The following LARP1B variants were observed in gnomAD, a reference collection of about 807,000 sequenced individuals.
LARP1B encodes la-related protein 1B.
In LARP1B, 76 loss-of-function variants were observed where a neutral mutation model predicts 114.2. That is an observed-to-expected ratio of 0.67 (90% CI 0.55 to 0.81). The LOEUF (loss-of-function observed/expected upper bound fraction) is 0.81, where lower values mean the gene tolerates loss of function less well. LARP1B is among the 30% of genes least tolerant of loss of function. LARP1B has a pLI of 0.00. For synonymous variants in LARP1B, 345 were observed against 348.0 expected, an observed-to-expected ratio of 0.99 and a Z score of 0.10; for missense variants, 1,014 against 1,075.8, an observed-to-expected ratio of 0.94 and a Z score of 0.80.
intron 3 of LARP1B, among the ~76,000 whole-genome samples, chr4:128,077,335 T>C (rs1423501343): frequency 3.3e-5 from 5 of 150,516 alleles, no homozygotes; most frequent in Non-Finnish European, 7.4e-5. Context: ...CCCTCTCTAC[T>C]TAAAAAAAAA....
chr4:128,193,280 A>T (rs1752876312), intron 15 of LARP1B, among the ~76,000 whole-genome samples: 1 of 152,210 alleles, frequency 6.6e-6, no homozygotes, highest in African/African-American at 2.4e-5. Context: ...AATCCTTCAT[A>T]TATATCTATT....
intron 12 of LARP1B, among the ~76,000 whole-genome samples, chr4:128,176,408 C>G (rs967419095): frequency 2.6e-5 from 4 of 151,206 alleles, no homozygotes; most frequent in South Asian, 2.1e-4. Context: ...ATTCTCCTGC[C>G]TCAGCCTCCC....
chr4:128,157,574 T>C (rs908065704), intron 11 of LARP1B, among the ~76,000 whole-genome samples: 1 of 151,820 alleles, frequency 6.6e-6, no homozygotes, highest in Non-Finnish European at 1.5e-5. Context: ...AAACAAAAGC[T>C]GGATAAAAAG....
intron 15 of LARP1B, among the ~76,000 whole-genome samples, chr4:128,189,262 C>CT (rs71587374): frequency 0.65 from 56,109 of 85,778 alleles, 19,341 homozygotes; most frequent in Middle Eastern, 0.83. Flanking sequence ...CTTCCGTGTC[C>CT]TTTTTTTTTT....
chr4:128,123,012 A>G (rs778925316), intron 11 of LARP1B: 6 of 984,956 alleles, frequency 6.1e-6, no homozygotes, highest in Non-Finnish European at 7.2e-6. Context: ...ATAACATTAT[A>G]TGCCAAATAG....
At chr4:128,151,451 T>C (rs1170031448) in intron 11 of LARP1B, among the ~76,000 whole-genome samples, 1 of 152,178 alleles carries the variant, frequency 6.6e-6, no homozygotes, top group Non-Finnish European at 1.5e-5. Context: ...TTGAGAGTCA[T>C]ATAATTTTAA....
At chr4:128,099,067 C>G (rs1370538835) in intron 8 of LARP1B, among the ~76,000 whole-genome samples, 1 of 151,550 alleles carries the variant, frequency 6.6e-6, no homozygotes, top group East Asian at 1.9e-4. Context: ...TGAGCCAGCA[C>G]TCCCAGCCGT....
chr4:128,183,903 GA>G (rs1215175508), intron 15 of LARP1B, among the ~76,000 whole-genome samples: 2 of 152,198 alleles, frequency 1.3e-5, no homozygotes, highest in African/African-American at 4.8e-5. Context: ...GACTTCAGTG[GA>G]GGATTTAATT....
chr4:128,132,080 AT>A (rs1227654795), intron 11 of LARP1B, among the ~76,000 whole-genome samples: 1 of 152,200 alleles, frequency 6.6e-6, no homozygotes, highest in Non-Finnish European at 1.5e-5. Flanking sequence ...AAACAAAGAC[AT>A]TTGTCCACAC....
At chr4:128,203,715 A>G (rs765901963) in intron 17 of LARP1B, among the ~76,000 whole-genome samples, 2 of 152,116 alleles carry the variant, frequency 1.3e-5, no homozygotes, top group Non-Finnish European at 2.9e-5. Context: ...AATTCTGTCC[A>G]TTGGTTGAAA....
chr4:128,117,546 C>A (rs184461331), intron 10 of LARP1B, among the ~76,000 whole-genome samples: 3 of 152,052 alleles, frequency 2.0e-5, no homozygotes, highest in African/African-American at 7.2e-5. Context: ...CCACCACACC[C>A]AGCTAATTTT....
chr4:128,065,938 C>G (rs964568695), intron 1 of LARP1B, among the ~76,000 whole-genome samples: 1 of 152,018 alleles, frequency 6.6e-6, no homozygotes, highest in African/African-American at 2.4e-5. Flanking sequence ...GCCTTGGCAT[C>G]CCAAGTAGTT....
intron 7 of LARP1B, among the ~76,000 whole-genome samples, chr4:128,096,056 C>G (rs969748169): frequency 1.5e-4 from 22 of 146,464 alleles, no homozygotes; most frequent in African/African-American, 5.1e-4. Flanking sequence ...TGCAGTGGCA[C>G]GATCTCAGCT....
intron 7 of LARP1B, among the ~76,000 whole-genome samples, chr4:128,097,573 C>T (rs1305601201): frequency 6.6e-6 from 1 of 152,124 alleles, no homozygotes; most frequent in Non-Finnish European, 1.5e-5. Flanking sequence ...TCCCCAAGTG[C>T]TGGGATTACA....
intron 15 of LARP1B, among the ~76,000 whole-genome samples, chr4:128,197,707 C>G (rs975057011): frequency 2.6e-5 from 4 of 151,300 alleles, no homozygotes; most frequent in African/African-American, 7.3e-5. Context: ...AAAAGAAAAA[C>G]AAAGAAAGAA....
In LARP1B at chr4:128,143,022, C is replaced by G. The variant is rs529826253; in HGVS notation, c.1525-19172C>G. 3.0e-3 allele frequency among the ~76,000 whole-genome samples: 459 copies of G among 152,028 alleles called. 4 individuals carry two copies. Among genetic ancestry groups the G allele is most frequent in the African/African-American group, 0.011 (441 of 41,492 alleles). Reference sequence around the variant, plus strand: ...ATTTTAGAGGCCAGGCACGGTGGCTCACGCCTGTAATCCCAGCACTTTGGG... The same window carrying G: ...ATTTTAGAGGCCAGGCACGGTGGCTGACGCCTGTAATCCCAGCACTTTGGG... On this transcript the variant is annotated intron_variant, in intron 11 of 19. Coordinates refer to ENST00000326639, the MANE Select transcript of LARP1B (RefSeq NM_018078.4).
chr4:128,122,096 T>A lies in LARP1B; in HGVS notation c.1432T>A (p.Ser478Thr), dbSNP rs1788138310. 1.2e-6 allele frequency: 2 copies of A among 1,613,972 alleles called. No individual in the cohort carries two copies. Among genetic ancestry groups the A allele is most frequent in the South Asian group, 1.1e-5 (1 of 91,080 alleles). Residue 478 changes from serine (S) to threonine (T), a missense_variant, in exon 11 of 20, where the codon TCT (serine) becomes ACT (threonine). Ser to Thr is a moderately conservative substitution (Grantham distance 58). Coordinates refer to ENST00000326639, the MANE Select transcript of LARP1B (RefSeq NM_018078.4). ...CCACATGTCTCGGGCAAAAATCACA[T>A]CTGAACTTGCTAAAGTTATCAATGA... is the stretch of plus-strand genomic sequence containing the variant. The part of the protein sequence containing the change: ...GTHMSRAKIT[S>T]ELAKVINDGL...
chr4:128,075,267 A>G (rs1335139884), intron 3 of LARP1B, among the ~76,000 whole-genome samples: 2 of 151,824 alleles, frequency 1.3e-5, no homozygotes, highest in East Asian at 3.9e-4. Flanking sequence ...GTGCACAGCT[A>G]ATTTTTGTAT....
chr4:128,090,899 A>G (rs1366684090), intron 5 of LARP1B, 102 bp from the exon 6 acceptor site: 6 of 807,024 alleles, frequency 7.4e-6, no homozygotes, highest in Non-Finnish European at 1.2e-5. Context: ...ACTGTTCATT[A>G]GTTACAAAGT....
Sources: gnomAD v4.1 joint callset for allele counts (sites outside exome capture counted in the v4.1 genomes callset) on GRCh38, gnomAD v4.1.1 for gene constraint, MANE v1.5 for transcripts, NCBI Gene and HGNC (gene_info 2026-07-23, HGNC 2026-07-21) for gene names.